Variants in UBE2R2 observed in about 807,000 individuals in gnomAD.
UBE2R2 encodes the protein ubiquitin-conjugating enzyme E2 R2.
In UBE2R2, 1 loss-of-function variant was observed where a neutral mutation model predicts 27.8. That is an observed-to-expected ratio of 0.04 (90% CI 0.01 to 0.17). The LOEUF (loss-of-function observed/expected upper bound fraction) is 0.17, where lower values mean the gene tolerates loss of function less well. Among genes scored for constraint, UBE2R2 ranks in the 10% least tolerant of loss-of-function variants. The pLI is 1.00. For synonymous variants in UBE2R2, 106 were observed against 113.3 expected (o/e 0.94, Z 0.41); for missense variants, 100 against 291.0 (o/e 0.34, Z 4.78).
At chr9:33,896,942 G>A (rs948656845) in intron 2 of UBE2R2, among the ~76,000 whole-genome samples, 2 of 108,158 alleles carry the variant, frequency 1.8e-5, no homozygotes, top group Non-Finnish European at 3.8e-5. Flanking sequence ...TAAGAAGGTT[G>A]TGTTTTTTGT....
chr9:33,830,242 C>T (rs990718606), intron 1 of UBE2R2, among the ~76,000 whole-genome samples: 1 of 147,994 alleles, frequency 6.8e-6, no homozygotes, highest in Admixed American at 6.8e-5. Flanking sequence ...ACTGCACCTT[C>T]CACCTCTTGG....
At chr9:33,909,039 C>G (rs967672485) in intron 3 of UBE2R2, among the ~76,000 whole-genome samples, 1 of 131,612 alleles carries the variant, frequency 7.6e-6, no homozygotes, top group Non-Finnish European at 1.6e-5. Flanking sequence ...TTAAAATTCA[C>G]TTCCTCATTT....
intron 1 of UBE2R2, among the ~76,000 whole-genome samples, chr9:33,861,528 G>A (rs1456318498): frequency 6.6e-6 from 1 of 151,924 alleles, no homozygotes; most frequent in Non-Finnish European, 1.5e-5. Flanking sequence ...GTAGGTGGAG[G>A]TTGCAGTGAG....
chr9:33,869,876 C>G (rs1325390414), intron 1 of UBE2R2, among the ~76,000 whole-genome samples: 3 of 151,642 alleles, frequency 2.0e-5, no homozygotes, highest in Non-Finnish European at 4.4e-5. Flanking sequence ...GATGGAGTTT[C>G]GCTCTTGTTG....
chr9:33,856,830 CGTCT>C (rs1196452157), intron 1 of UBE2R2, among the ~76,000 whole-genome samples: 1 of 147,864 alleles, frequency 6.8e-6, no homozygotes, highest in Non-Finnish European at 1.5e-5. Context: ...TCCATCCATC[CGTCT>C]GTCCGTCCTT....
chr9:33,875,092 C>A (rs555159258), intron 1 of UBE2R2, among the ~76,000 whole-genome samples: 3 of 151,716 alleles, frequency 2.0e-5, no homozygotes, highest in Non-Finnish European at 4.4e-5. Context: ...GGATTACAGG[C>A]GTGAGCCACT....
chr9:33,887,433 G>A (rs914526030), intron 2 of UBE2R2, among the ~76,000 whole-genome samples: 12 of 152,130 alleles, frequency 7.9e-5, no homozygotes, highest in African/African-American at 2.9e-4. Context: ...CATTTGGGAG[G>A]CTCTTTTGGA....
intron 1 of UBE2R2, among the ~76,000 whole-genome samples, chr9:33,827,711 C>T (rs1563980676): frequency 6.6e-6 from 1 of 151,918 alleles, no homozygotes; most frequent in African/African-American, 2.4e-5. Flanking sequence ...TGACCCATGC[C>T]TGTAATCCCA....
intron 1 of UBE2R2, among the ~76,000 whole-genome samples, chr9:33,834,887 G>A (rs1300848703): frequency 6.6e-6 from 1 of 150,428 alleles, no homozygotes; most frequent in East Asian, 2.0e-4. Context: ...TCCAGCCTGG[G>A]CAACAAGACC....
chr9:33,879,303 G>A (rs1402195175), intron 1 of UBE2R2, among the ~76,000 whole-genome samples: 1 of 152,184 alleles, frequency 6.6e-6, no homozygotes, highest in African/African-American at 2.4e-5. Flanking sequence ...GAGTTGTAGA[G>A]TCAGGATTCA....
Position 33,873,222 on chromosome 9 carries a change from T to A in UBE2R2, c.178-13659T>A, listed in dbSNP as rs942499729. ...AGATCTAATATCATAGATACTACTT[T>A]AACTTAATTAAATGGACCTGTAGGT... On this transcript the variant is annotated intron_variant, in intron 1 of 4. Transcript: ENST00000263228. Among the ~76,000 whole-genome samples, 5 of 150,168 alleles carry A rather than the reference T, an allele frequency of 3.3e-5. No individual in the cohort carries two copies. In the South Asian group the frequency reaches 1.1e-3, roughly 32 times the overall value.
chr9:33,841,871 C>T (rs1237813952), intron 1 of UBE2R2, among the ~76,000 whole-genome samples: 1 of 152,098 alleles, frequency 6.6e-6, no homozygotes, highest in Non-Finnish European at 1.5e-5. Flanking sequence ...AATGTGATTG[C>T]TGAGAATAGT....
chr9:33,915,021 T>C lies in UBE2R2; in HGVS notation c.498-1997T>C, dbSNP rs182009073. 2.6e-4 allele frequency among the ~76,000 whole-genome samples: 40 copies of C among 151,720 alleles called. No individual in the cohort carries two copies. The East Asian group carries it at 7.0e-3, about 27-fold the overall frequency. ...GGCTTATACCTGTAATCCCAGCTAC[T>C]TGGGAGTCTGAGGTGGGAGGATTGC... On this transcript the variant is annotated intron_variant, in intron 4 of 4. Transcript: ENST00000263228.
chr9:33,833,682 A>G (rs1025731571), intron 1 of UBE2R2, among the ~76,000 whole-genome samples: 33 of 152,362 alleles, frequency 2.2e-4, no homozygotes, highest in African/African-American at 7.2e-4. Context: ...TTAAGAGTAC[A>G]GTTCAGTGAC....
intron 1 of UBE2R2, among the ~76,000 whole-genome samples, chr9:33,845,196 T>C (rs1471486786): frequency 6.6e-6 from 1 of 151,618 alleles, no homozygotes; most frequent in Non-Finnish European, 1.5e-5. Context: ...TTCTTTTTTG[T>C]TTTTGAGACG....
intron 3 of UBE2R2, 105 bp downstream of exon 3, chr9:33,900,376 T>A: frequency 1.3e-6 from 1 of 778,640 alleles, no homozygotes; most frequent in Non-Finnish European, 2.0e-6. Context: ...AAATCATCTT[T>A]CTTATATTCA....
chr9:33,874,255 A>T (rs1821555455), intron 1 of UBE2R2, among the ~76,000 whole-genome samples: 1 of 152,022 alleles, frequency 6.6e-6, no homozygotes, highest in Admixed American at 6.6e-5. Context: ...GCCTTAACTT[A>T]GTTTTTATAT....
At chr9:33,829,675 A>T (rs1208335445) in intron 1 of UBE2R2, among the ~76,000 whole-genome samples, 1 of 151,942 alleles carries the variant, frequency 6.6e-6, no homozygotes, top group Non-Finnish European at 1.5e-5. Flanking sequence ...TTCCAAGTAT[A>T]TTTAAGCATC....
At chr9:33,904,036 T>C (rs1481670632) in intron 3 of UBE2R2, among the ~76,000 whole-genome samples, 1 of 152,190 alleles carries the variant, frequency 6.6e-6, no homozygotes, top group Non-Finnish European at 1.5e-5. Context: ...TTGTACACTT[T>C]TTGGAACCTC....
Sources: allele counts gnomAD v4.1 joint callset (sites outside exome capture counted in the v4.1 genomes callset), GRCh38; gene constraint gnomAD v4.1.1; transcripts MANE v1.5; gene names NCBI Gene and HGNC (gene_info 2026-07-23, HGNC 2026-07-21).